The following ZNF620 variants were observed in gnomAD, a reference collection of about 807,000 sequenced individuals.
The protein encoded by ZNF620 is zinc finger protein 620.
In ZNF620, 10 loss-of-function variants were observed where a neutral mutation model predicts 13.3. The ratio of observed to expected loss-of-function variants is 0.75; its 90% confidence interval spans 0.46 to 1.28. ZNF620 has a LOEUF of 1.28. Among genes scored for constraint, ZNF620 ranks in the 50% most tolerant of loss-of-function variants. The probability of loss-of-function intolerance (pLI) is 0.00; values close to 1 mark genes in which losing one functional copy is unlikely to be tolerated. For missense variants in ZNF620, 461 were observed against 500.2 expected (o/e 0.92, Z 0.75); for synonymous variants, 166 against 177.6 (o/e 0.93, Z 0.52).
At chr3:40,513,316 A>AAAAATATATATAT (rs1193351404) in intron 4 of ZNF620, among the ~76,000 whole-genome samples, 3 of 62,672 alleles carry the variant, frequency 4.8e-5, no homozygotes, top group African/African-American at 2.6e-4. Context: ...AAAAAAAAAA[A>AAAAATATATATAT]ATATATATAT....
intron 3 of ZNF620, 67 bp downstream of exon 3, chr3:40,511,663 C>T: frequency 6.4e-7 from 1 of 1,558,432 alleles, no homozygotes; most frequent in Non-Finnish European, 8.6e-7. Flanking sequence ...TTCCTTAGAA[C>T]TTTGTGGGGT....
At position 40,516,242 on chromosome 3, in the gene ZNF620, A is replaced by G. The variant is rs370543584; in HGVS notation, c.648A>G (p.Lys216=). 1.2e-6 allele frequency: 2 copies of G among 1,614,118 alleles called. No individual in the cohort carries two copies. The change falls in exon 5 of 5, where the codon AAA becomes AAG. Residue 216 remains lysine (K), a synonymous_variant. Coordinates refer to ENST00000314529, the MANE Select transcript of ZNF620 (RefSeq NM_175888.4). The part of the protein sequence containing the change: ...IQMADFHRHE[K]CHTGEKSFEC... ...TGGCAGACTTCCACCGACATGAGAAATGTCACACTGGTGAAAAGTCTTTTG... is the reference window on the plus strand; with the variant it reads ...TGGCAGACTTCCACCGACATGAGAAGTGTCACACTGGTGAAAAGTCTTTTG...
At position 40,506,119 on chromosome 3, in the gene ZNF620, T is replaced by C; in HGVS notation, c.-69T>C. ...GCCGCGCGGGATTCGCGGTCCGAGC[T>C]GAAGAGGTTCGCGGTCCGGGTAACT... On this transcript the variant is annotated 5_prime_UTR_variant, in exon 1 of 5. Transcript: ENST00000314529. 1.6e-6 allele frequency: 1 copy of C among 612,362 alleles called. No individual in the cohort carries two copies. Among genetic ancestry groups the C allele is most frequent in the Admixed American group, 2.6e-5 (1 of 38,490 alleles). 37.9% of individuals were successfully genotyped at this position (612,362 alleles called of 1,614,324 possible).
At chr3:40,514,366 C>T (rs1168397917) in intron 4 of ZNF620, among the ~76,000 whole-genome samples, 1 of 152,162 alleles carries the variant, frequency 6.6e-6, no homozygotes, top group Non-Finnish European at 1.5e-5. Flanking sequence ...CCATACCCTG[C>T]CCCTTTGCCT....
At position 40,516,231 on chromosome 3, in the gene ZNF620, C is replaced by T. The variant is rs748583593; in HGVS notation, c.637C>T (p.Arg213Ter). 1.5e-5 allele frequency: 25 copies of T among 1,613,828 alleles called. No homozygotes were observed. Among genetic ancestry groups the T allele is most frequent in the Middle Eastern group, 1.6e-4 (1 of 6,084 alleles). ...TTTCATTCAAATGGCAGACTTCCAC[C>T]GACATGAGAAATGTCACACTGGTGA... ...RYFIQMADFHRHEKCHTGEKS... is the reference protein window; with the variant it reads ...RYFIQMADFH Residue 213 changes from arginine to a stop codon, truncating the protein, a stop_gained, in exon 5 of 5, where the codon CGA becomes TGA. Coordinates refer to ENST00000314529, the MANE Select transcript of ZNF620 (RefSeq NM_175888.4). LOFTEE classifies it low-confidence loss of function (END_TRUNC).
In ZNF620 at chr3:40,514,802, A is replaced by G. The variant is rs75559849; in HGVS notation, c.266-1058A>G. On this transcript the variant is annotated intron_variant, in intron 4 of 4. Transcript: ENST00000314529. ...TAAATAAATACATAAAACATAGTAT[A>G]TTTTTTAATCTTTCTTATTCTGCTT... is the stretch of plus-strand genomic sequence containing the variant. 9.0e-3 allele frequency among the ~76,000 whole-genome samples: 1,364 copies of G among 152,226 alleles called. 13 individuals are homozygous for G. The highest frequency in any genetic ancestry group is 0.013 in the Non-Finnish European group (865 of 68,016).
At chr3:40,512,734 G>A (rs576041185) in intron 4 of ZNF620, among the ~76,000 whole-genome samples, 10 of 152,232 alleles carry the variant, frequency 6.6e-5, no homozygotes, top group African/African-American at 2.2e-4. Context: ...TTGCATATTC[G>A]TCTTTGCCTG....
At chr3:40,509,741 T>C (rs1698138126) in intron 2 of ZNF620, among the ~76,000 whole-genome samples, 1 of 152,180 alleles carries the variant, frequency 6.6e-6, no homozygotes, top group Non-Finnish European at 1.5e-5. Flanking sequence ...CATTCTGTCC[T>C]ATAAACTCAA....
At chr3:40,513,842 T>C (rs780452392) in intron 4 of ZNF620, among the ~76,000 whole-genome samples, 1 of 152,126 alleles carries the variant, frequency 6.6e-6, no homozygotes, top group African/African-American at 2.4e-5. Flanking sequence ...CATACAGAGA[T>C]AGGAGCTGAA....
intron 2 of ZNF620, among the ~76,000 whole-genome samples, chr3:40,507,112 A>C (rs1273532221): frequency 4.8e-5 from 2 of 41,888 alleles, no homozygotes; most frequent in Non-Finnish European, 8.1e-5. Context: ...TTTTTTTTTG[A>C]GATGGAGTCT....
In ZNF620 at chr3:40,506,328, A is replaced by T. The variant is rs1698014957; in HGVS notation, c.-25A>T. Reference sequence around the variant, plus strand: ...GTTTCACTTCTCCGAACCCTGAGGCAGTGTGTGAAGCTGGGACGCCAGCCA... The same window carrying T: ...GTTTCACTTCTCCGAACCCTGAGGCTGTGTGTGAAGCTGGGACGCCAGCCA... On this transcript the variant is annotated 5_prime_UTR_variant, in exon 2 of 5. Coordinates refer to ENST00000314529, the MANE Select transcript of ZNF620 (RefSeq NM_175888.4). 1.2e-6 allele frequency: 2 copies of T among 1,613,924 alleles called. No homozygotes were observed. Among genetic ancestry groups the T allele is most frequent in the African/African-American group, 1.3e-5 (1 of 74,902 alleles).
At chr3:40,512,552 G>C in intron 4 of ZNF620, 37 bp downstream of exon 4, 2 of 1,477,698 alleles carry the variant, frequency 1.4e-6, no homozygotes, top group Non-Finnish European at 1.8e-6. Context: ...TTTTTGGCTT[G>C]GCTTGCTTTC....
chr3:40,508,584 A>G (rs1698100734), intron 2 of ZNF620: 1 of 263,664 alleles, frequency 3.8e-6, no homozygotes, highest in Non-Finnish European at 7.7e-6. Flanking sequence ...CAGAATATGG[A>G]CTGTCTACCT....
At chr3:40,506,252 CG>C (rs1698012029) in intron 1 of ZNF620, 51 bp from the exon 2 acceptor site, 14 of 1,480,148 alleles carry the variant, frequency 9.5e-6, no homozygotes, top group Non-Finnish European at 1.3e-5. Context: ...AGGGCATTTG[CG>C]GGGTGCGAGG....
rs773761816 is a variant in ZNF620, at chr3:40,516,625, G to A, written c.1031G>A (p.Arg344Gln). The A allele has an allele frequency of 1.9e-6, 3 of 1,613,562 alleles. No homozygotes were observed. Among genetic ancestry groups the A allele is most frequent in the South Asian group, 1.1e-5 (1 of 91,022 alleles). Reference protein sequence around the residue: ...KPYECKECGKRLSSNTALTQH... With the variant: ...KPYECKECGKQLSSNTALTQH... ...TATGAATGTAAAGAGTGTGGAAAAC[G>A]ATTAAGCTCCAACACAGCCTTGACT... The change falls in exon 5 of 5, where the codon CGA becomes CAA. Residue 344 changes from arginine (R) to glutamine (Q), a missense_variant. Arg to Gln is a conservative substitution (Grantham distance 43, BLOSUM62 1). Transcript: ENST00000314529.
chr3:40,513,723 T>C (rs1559551116), intron 4 of ZNF620, among the ~76,000 whole-genome samples: 2 of 151,850 alleles, frequency 1.3e-5, no homozygotes, highest in Non-Finnish European at 2.9e-5. Flanking sequence ...AAATAGATTA[T>C]AGATATGATT....
In ZNF620 at chr3:40,510,573, T is replaced by C. The variant is rs569142901; in HGVS notation, c.25-897T>C. Among the ~76,000 whole-genome samples, 39 of 152,364 alleles carry C rather than the reference T, an allele frequency of 2.6e-4. No homozygotes were observed. The South Asian group carries it at 7.7e-3, about 30-fold the overall frequency. On this transcript the variant is annotated intron_variant, in intron 2 of 4. Transcript: ENST00000314529. ...CAAGTTATAAACAACAGTGCACATT[T>C]ACAAAATCCTTAGCTCATCCTTAGT...
chr3:40,512,733 C>T (rs1271099322), intron 4 of ZNF620, among the ~76,000 whole-genome samples: 6 of 152,154 alleles, frequency 3.9e-5, no homozygotes, highest in East Asian at 3.8e-4. Flanking sequence ...TTTGCATATT[C>T]GTCTTTGCCT....
Position 40,506,076 on chromosome 3 carries a change from C to G in ZNF620, c.-112C>G, listed in dbSNP as rs981247227. On this transcript the variant is annotated 5_prime_UTR_variant, in exon 1 of 5. Transcript: ENST00000314529. ...GTGTCGGCGGCAGGTGGAATTTCCA[C>G]GCTTTATCTGCGCCTGCGCCGCGCG... The G allele has an allele frequency of 1.8e-6, 1 of 547,046 alleles. No individual in the cohort carries two copies. The highest frequency in any genetic ancestry group is 3.1e-5 in the Admixed American group (1 of 32,012). The allele number at this position is 547,046 out of a possible 1,614,324, so 33.9% of individuals were successfully genotyped here.
Sources: gnomAD v4.1 joint callset for allele counts (sites outside exome capture counted in the v4.1 genomes callset) on GRCh38, gnomAD v4.1.1 for gene constraint, MANE v1.5 for transcripts, NCBI Gene and HGNC (gene_info 2026-07-23, HGNC 2026-07-21) for gene names.